NCALD: variants seen among roughly 807,000 people sequenced by gnomAD.
NCALD encodes the protein neurocalcin delta.
NCALD carries 10 observed loss-of-function variants against 18.6 expected under a neutral mutation model. That is an observed-to-expected ratio of 0.54 (90% CI 0.33 to 0.91). The LOEUF is 0.91. Ranked by LOEUF, NCALD falls within the 40% of genes least tolerant of loss-of-function variation. NCALD has a pLI of 0.03. For synonymous variants in NCALD, 88 were observed against 87.4 expected (o/e 1.01, Z -0.04); for missense variants, 184 against 247.6 (o/e 0.74, Z 1.72).
chr8:102,089,897 GCA>G (rs1362902661), intron 1 of NCALD, among the ~76,000 whole-genome samples: 1 of 152,160 alleles, frequency 6.6e-6, no homozygotes, highest in Non-Finnish European at 1.5e-5. Flanking sequence ...TGGACTAAAA[GCA>G]CAACAGGTTT....
chr8:101,894,302 C>A (rs948075978), intron 3 of NCALD, among the ~76,000 whole-genome samples: 5 of 125,938 alleles, frequency 4.0e-5, no homozygotes, highest in Admixed American at 1.6e-4. Flanking sequence ...TAAAGATGTT[C>A]TTTGAAACCA....
chr8:101,699,762 G>A (rs114924798), intron 2 of NCALD, among the ~76,000 whole-genome samples: 1,860 of 152,196 alleles, frequency 0.012, 39 homozygotes, highest in African/African-American at 0.042. Flanking sequence ...GCCAGTTGTG[G>A]GGTGGGGGTC....
intron 2 of NCALD, among the ~76,000 whole-genome samples, chr8:101,974,293 ATTTTATG>A (rs1820344078): frequency 6.6e-5 from 10 of 152,188 alleles, no homozygotes; most frequent in African/African-American, 2.4e-4. Flanking sequence ...GACTTTTTAA[ATTTTATG>A]ATCTTTGATA....
chr8:102,018,981 G>T (rs999459223), intron 2 of NCALD, among the ~76,000 whole-genome samples: 3 of 151,880 alleles, frequency 2.0e-5, no homozygotes, highest in Non-Finnish European at 4.4e-5. Context: ...AAAAAGAGAA[G>T]ATATTTGTAA....
At chr8:101,979,282 G>GTCCT (rs566118609) in intron 2 of NCALD, among the ~76,000 whole-genome samples, 3 of 121,366 alleles carry the variant, frequency 2.5e-5, no homozygotes, top group African/African-American at 1.5e-4. Context: ...CATAAGGCCA[G>GTCCT]CCCTCAAAGT....
At chr8:101,716,329 G>A (rs1337078441) in intron 2 of NCALD, among the ~76,000 whole-genome samples, 1 of 152,008 alleles carries the variant, frequency 6.6e-6, no homozygotes, top group African/African-American at 2.4e-5. Flanking sequence ...GGGGGTGGTG[G>A]GCAAGGGGAG....
At chr8:101,976,568 T>C (rs1795323462) in intron 2 of NCALD, among the ~76,000 whole-genome samples, 1 of 152,262 alleles carries the variant, frequency 6.6e-6, no homozygotes, top group Admixed American at 6.5e-5. Context: ...CAAAGGAATA[T>C]ACAAAATAAA....
chr8:101,961,447 T>A (rs972356625), intron 2 of NCALD, among the ~76,000 whole-genome samples: 4 of 152,196 alleles, frequency 2.6e-5, no homozygotes, highest in Non-Finnish European at 5.9e-5. Context: ...AATAGTTTTT[T>A]TCTATCTCAT....
At chr8:102,055,607 T>C (rs1321850653) in intron 1 of NCALD, among the ~76,000 whole-genome samples, 1 of 152,234 alleles carries the variant, frequency 6.6e-6, no homozygotes, top group Non-Finnish European at 1.5e-5. Flanking sequence ...ACTAGCCAGT[T>C]CTGTTGAATA....
chr8:101,948,074 G>C (rs768985761), intron 2 of NCALD, among the ~76,000 whole-genome samples: 93 of 152,232 alleles, frequency 6.1e-4, no homozygotes, highest in Non-Finnish European at 6.3e-4. Flanking sequence ...AGTCCTTGAA[G>C]AGTTCTAAGC....
intron 1 of NCALD, among the ~76,000 whole-genome samples, chr8:102,097,562 C>T (rs761986545): frequency 4.6e-5 from 7 of 152,172 alleles, no homozygotes; most frequent in Admixed American, 1.3e-4. Context: ...TCAGAAGTTG[C>T]GTGGGTCATG....
At chr8:101,916,125 T>C (rs1233489532) in intron 2 of NCALD, among the ~76,000 whole-genome samples, 2 of 152,238 alleles carry the variant, frequency 1.3e-5, no homozygotes, top group South Asian at 2.1e-4. Flanking sequence ...TTAATATTTA[T>C]ATCTCCTTGG....
In NCALD at chr8:102,037,480, T is replaced by C. The variant is rs1030295798; in HGVS notation, c.-209-17191A>G. Among the ~76,000 whole-genome samples the C allele has an allele frequency of 3.3e-5, 5 of 152,330 alleles. No homozygotes were observed. In the East Asian group the frequency reaches 9.6e-4, roughly 29 times the overall value. ...ACCAAATTATAGTTCGTAGATGTTG[T>C]ATACATTTAGTGTGTGTGTAGATAG... On this transcript the variant is annotated intron_variant, in intron 1 of 6. Coordinates refer to the NCALD transcript ENST00000311028.
intron 4 of NCALD, among the ~76,000 whole-genome samples, chr8:101,804,759 A>C (rs1813037270): frequency 6.7e-6 from 1 of 149,988 alleles, no homozygotes; most frequent in South Asian, 2.1e-4. Context: ...TTTCACACTT[A>C]ATAGATTACT....
chr8:102,083,751 C>A (rs1587047241), intron 1 of NCALD, among the ~76,000 whole-genome samples: 1 of 152,186 alleles, frequency 6.6e-6, no homozygotes, highest in African/African-American at 2.4e-5. Context: ...TCCATTTAGA[C>A]AATATCTACT....
intron 1 of NCALD, among the ~76,000 whole-genome samples, chr8:102,120,529 G>A (rs1299969605): frequency 6.6e-6 from 1 of 152,084 alleles, no homozygotes; most frequent in East Asian, 1.9e-4. Flanking sequence ...TCAATGAGAT[G>A]GTACTAAAAA....
chr8:101,758,862 T>C (rs1021514658), intron 1 of NCALD, among the ~76,000 whole-genome samples: 2 of 152,190 alleles, frequency 1.3e-5, no homozygotes, highest in Admixed American at 1.3e-4. Context: ...TTTGAATCTG[T>C]GCATCCAATA....
At chr8:102,108,215 G>A (rs1184880915) in intron 1 of NCALD, among the ~76,000 whole-genome samples, 1 of 152,156 alleles carries the variant, frequency 6.6e-6, no homozygotes, top group Non-Finnish European at 1.5e-5. Context: ...AAAGTAAATA[G>A]TTACACAGCA....
rs189186687 is a variant in NCALD at position 101,943,890 on chromosome 8, G to A, written c.-156-28032C>T. ...AGGGAGGCGGAGGTTGCAGTGAGCC[G>A]AGATCACACCGCTGCACTCCAGCCT... On this transcript the variant is annotated intron_variant, in intron 2 of 6. Coordinates refer to the NCALD transcript ENST00000311028. Among the ~76,000 whole-genome samples the A allele has an allele frequency of 1.1e-3, 166 of 151,560 alleles. 1 individual carries two copies. Among genetic ancestry groups the A allele is most frequent in the South Asian group, 2.1e-3 (10 of 4,786 alleles).
Sources: gnomAD v4.1 joint callset for allele counts (sites outside exome capture counted in the v4.1 genomes callset) on GRCh38, gnomAD v4.1.1 for gene constraint, MANE v1.5 for transcripts, NCBI Gene and HGNC (gene_info 2026-07-23, HGNC 2026-07-21) for gene names.